SSX2IP: variants seen among roughly 807,000 people sequenced by gnomAD.
SSX2IP encodes SSX family member 2 interacting protein.
Under a neutral mutation model 84.9 loss-of-function variants are expected in SSX2IP, and 55 were observed. The ratio of observed to expected loss-of-function variants is 0.65; its 90% CI spans 0.52 to 0.81. SSX2IP has a LOEUF of 0.81. Ranked by LOEUF, SSX2IP falls within the 30% of genes least tolerant of loss-of-function variation. SSX2IP has a pLI of 0.00. For synonymous variants in SSX2IP, 239 were observed against 234.7 expected (o/e 1.02, Z -0.17); for missense variants, 664 against 705.2 (o/e 0.94, Z 0.66).
At position 84,656,431 on chromosome 1, in the gene SSX2IP, C is replaced by G. The variant is rs765899069; in HGVS notation, c.1132G>C (p.Asp378His). The G allele has an allele frequency of 6.2e-7, 1 of 1,613,490 alleles. No homozygotes were observed. Among genetic ancestry groups the G allele is most frequent in the Non-Finnish European group, 8.5e-7 (1 of 1,179,718 alleles). The change falls in exon 10 of 14, where the codon GAC becomes CAC. Residue 378 changes from aspartate (D) to histidine (H), a missense_variant. By Grantham distance (81) the Asp-to-His change is moderately conservative. Transcript: ENST00000342203. ...FNDEDVISRQDHEQETEKLEL... is the reference protein window; with the variant it reads ...FNDEDVISRQHHEQETEKLEL... ...AGTTTTTCAGTTTCTTGTTCATGGT[C>G]TTGTCGTGAGATTACATCTTCATCA...
chr1:84,679,324 T>A (rs886602609), intron 1 of SSX2IP, among the ~76,000 whole-genome samples: 4 of 152,194 alleles, frequency 2.6e-5, no homozygotes, highest in Non-Finnish European at 5.9e-5. Flanking sequence ...CAGAAACACA[T>A]TAAGTCCAAC....
intron 1 of SSX2IP, among the ~76,000 whole-genome samples, chr1:84,677,487 A>G (rs1654529455): frequency 6.6e-6 from 1 of 152,196 alleles, no homozygotes; most frequent in African/African-American, 2.4e-5. Context: ...AGCAGTCTCT[A>G]GGATGGCTCT....
chr1:84,686,276 G>C (rs558539697), intron 1 of SSX2IP, among the ~76,000 whole-genome samples: 3 of 152,258 alleles, frequency 2.0e-5, no homozygotes, highest in Non-Finnish European at 4.4e-5. Context: ...GGCAATTAAT[G>C]GTCAGGGACC....
chr1:84,645,364 A>G lies in SSX2IP; in HGVS notation c.*2069T>C, dbSNP rs1386861323. On this transcript the variant is annotated 3_prime_UTR_variant, in exon 14 of 14. Transcript: ENST00000342203. Reference sequence around the variant, plus strand: ...GTTAGGTAAAATGTACAACTTCTGGATCTATGCAGACATTGAAGGTGCAAT... The same window carrying G: ...GTTAGGTAAAATGTACAACTTCTGGGTCTATGCAGACATTGAAGGTGCAAT... 6.6e-6 allele frequency: 1 copy of G among 152,168 alleles called. No individual in the cohort carries two copies. Among genetic ancestry groups the G allele is most frequent in the East Asian group, 1.9e-4 (1 of 5,196 alleles). The allele number at this position is 152,168 out of a possible 1,614,324, so 9.4% of individuals were successfully genotyped here. A position where few individuals can be genotyped will look rare whatever the true frequency, so the allele number is the denominator to read the frequency against.
At chr1:84,660,499 G>A (rs1316274691) in intron 8 of SSX2IP, among the ~76,000 whole-genome samples, 1 of 152,124 alleles carries the variant, frequency 6.6e-6, no homozygotes, top group Non-Finnish European at 1.5e-5. Flanking sequence ...GAGATAAGAG[G>A]TTAACTACAT....
Position 84,662,099 on chromosome 1 carries a change from A to G in SSX2IP, c.927+99T>C. On this transcript the variant is annotated intron_variant, in intron 8 of 13. Transcript: ENST00000342203. ...AGCATAGCAGTTGAGTGTCCTATTC[A>G]AAATACCAATAGTGTCCCCATTGAG... The G allele has an allele frequency of 9.0e-6, 7 of 773,590 alleles. No homozygotes were observed. The South Asian group carries it at 1.4e-4, about 15-fold the overall frequency. 47.9% of individuals were successfully genotyped at this position (773,590 alleles called of 1,614,324 possible).
intron 11 of SSX2IP, among the ~76,000 whole-genome samples, chr1:84,653,466 C>G (rs1650626542): frequency 6.6e-6 from 1 of 152,226 alleles, no homozygotes; most frequent in Admixed American, 6.5e-5. Flanking sequence ...CCATCCCTCA[C>G]TATGCCCACT....
intron 6 of SSX2IP, 25 bp from the exon 7 acceptor site, chr1:84,662,555 A>G (rs367699856): frequency 3.0e-5 from 49 of 1,609,968 alleles, no homozygotes; most frequent in Admixed American, 2.3e-4. Context: ...ACATAAAATT[A>G]ATTCTTACCA....
At chr1:84,688,351 T>A (rs1656082708) in intron 1 of SSX2IP, among the ~76,000 whole-genome samples, 1 of 152,214 alleles carries the variant, frequency 6.6e-6, no homozygotes, top group South Asian at 2.1e-4. Flanking sequence ...CTTTGCGTCA[T>A]GAGCAAATGG....
intron 4 of SSX2IP, 104 bp from the exon 5 acceptor site, chr1:84,666,336 A>G (rs925359777): frequency 2.5e-6 from 2 of 792,042 alleles, no homozygotes; most frequent in African/African-American, 1.8e-5. Flanking sequence ...AGTGTTTATT[A>G]GTCAAAATCA....
At chr1:84,664,627 TC>T (rs1652506049) in intron 5 of SSX2IP, 75 bp from the exon 6 acceptor site, 1 of 1,319,474 alleles carries the variant, frequency 7.6e-7, no homozygotes. Flanking sequence ...AAAATTCATC[TC>T]CCCATATAGG....
chr1:84,655,270 C>G, intron 11 of SSX2IP: 1 of 1,007,604 alleles, frequency 9.9e-7, no homozygotes, highest in Non-Finnish European at 1.2e-6. Context: ...AAGGAGGATA[C>G]TTTCTTACTT....
intron 9 of SSX2IP, among the ~76,000 whole-genome samples, chr1:84,656,903 G>A (rs926323094): frequency 7.2e-5 from 11 of 152,118 alleles, no homozygotes; most frequent in Non-Finnish European, 4.4e-5. Flanking sequence ...CTGCTTCAAA[G>A]ATCAATGAAG....
At chr1:84,677,347 C>T (rs1570705360) in intron 1 of SSX2IP, among the ~76,000 whole-genome samples, 1 of 152,260 alleles carries the variant, frequency 6.6e-6, no homozygotes, top group Admixed American at 6.5e-5. Flanking sequence ...GCAAAAACAT[C>T]TTGTTTTTTC....
At chr1:84,651,298 G>A (rs114629613) in intron 12 of SSX2IP, among the ~76,000 whole-genome samples, 3,263 of 152,190 alleles carry the variant, frequency 0.021, 57 homozygotes, top group South Asian at 0.04. Context: ...GACAGAGCAA[G>A]ACTACATCTT....
intron 1 of SSX2IP, among the ~76,000 whole-genome samples, chr1:84,685,997 T>C (rs1055161080): frequency 2.6e-5 from 4 of 152,198 alleles, no homozygotes; most frequent in Admixed American, 2.6e-4. Flanking sequence ...CTATATACGA[T>C]TTCAAAATTA....
At chr1:84,664,956 T>C (rs1006913239) in intron 5 of SSX2IP, among the ~76,000 whole-genome samples, 2 of 152,176 alleles carry the variant, frequency 1.3e-5, no homozygotes, top group South Asian at 2.1e-4. Context: ...GAATTAAGCC[T>C]GTGACACATG....
At chr1:84,660,637 T>C in intron 8 of SSX2IP, among the ~76,000 whole-genome samples, 1 of 151,790 alleles carries the variant, frequency 6.6e-6, no homozygotes. Flanking sequence ...TGGTGGTGCA[T>C]GCCTGTAATC....
chr1:84,679,068 A>C (rs1366469145), intron 1 of SSX2IP, among the ~76,000 whole-genome samples: 1 of 152,238 alleles, frequency 6.6e-6, no homozygotes, highest in South Asian at 2.1e-4. Context: ...GGTTAAGAAG[A>C]TAAAACTAAG....
Sources: gnomAD v4.1 joint callset for allele counts (sites outside exome capture counted in the v4.1 genomes callset) on GRCh38, gnomAD v4.1.1 for gene constraint, MANE v1.5 for transcripts, NCBI Gene and HGNC (gene_info 2026-07-23, HGNC 2026-07-21) for gene names.